EIF4G3: variants seen among roughly 807,000 people sequenced by gnomAD.
EIF4G3 encodes eukaryotic translation initiation factor 4 gamma 3, also known as eIF-4-gamma 3.
In EIF4G3, 34 loss-of-function variants were observed where a neutral mutation model predicts 186.4. The observed-to-expected ratio is 0.18, with a 90% CI of 0.14 to 0.24. The LOEUF (loss-of-function observed/expected upper bound fraction) is 0.24, where lower values mean the gene tolerates loss of function less well. Among genes scored for constraint, EIF4G3 ranks in the 10% least tolerant of loss-of-function variants. The probability of loss-of-function intolerance (pLI) is 1.00; values close to 1 mark genes in which losing one functional copy is unlikely to be tolerated. For synonymous variants in EIF4G3, 673 were observed against 679.5 expected (o/e 0.99, Z 0.15); for missense variants, 1,536 against 1,948.5 (o/e 0.79, Z 3.99).
chr1:21,133,064 G>A (rs746304699), intron 2 of EIF4G3, among the ~76,000 whole-genome samples: 1 of 151,816 alleles, frequency 6.6e-6, no homozygotes, highest in Non-Finnish European at 1.5e-5. Flanking sequence ...GATTATAGGT[G>A]TGAGCAATCA....
At position 21,111,307 on chromosome 1, in the gene EIF4G3, T is replaced by C. The variant is rs190717840; in HGVS notation, c.-271-22094A>G. ...ACAAAAATTTGAATCCTAGATTCGTTTGCCAGCTAGATTACCTTGGGAAAA... is the reference window on the plus strand; with the variant it reads ...ACAAAAATTTGAATCCTAGATTCGTCTGCCAGCTAGATTACCTTGGGAAAA... On this transcript the variant is annotated intron_variant, in intron 2 of 36. Coordinates refer to ENST00000602326, the MANE Select transcript of EIF4G3 (RefSeq NM_001391906.1). The C allele has an allele frequency of 2.3e-5, 11 of 471,336 alleles. No homozygotes were observed. The East Asian group carries it at 6.9e-4, about 30-fold the overall frequency. 29.2% of individuals were successfully genotyped at this position (471,336 alleles called of 1,614,324 possible). A position where few individuals can be genotyped will look rare whatever the true frequency, so the allele number is the denominator to read the frequency against.
At chr1:21,147,186 C>T (rs1441852852) in intron 2 of EIF4G3, among the ~76,000 whole-genome samples, 1 of 151,622 alleles carries the variant, frequency 6.6e-6, no homozygotes, top group African/African-American at 2.4e-5. Flanking sequence ...CTCTTGAACC[C>T]GGGAGGCGGA....
intron 12 of EIF4G3, among the ~76,000 whole-genome samples, chr1:20,959,271 A>G (rs2096515017): frequency 6.6e-6 from 1 of 152,186 alleles, no homozygotes; most frequent in South Asian, 2.1e-4. Context: ...AAAGCATATA[A>G]AAACATAAAT....
intron 18 of EIF4G3, among the ~76,000 whole-genome samples, chr1:20,889,903 T>G (rs1217230765): frequency 6.6e-6 from 1 of 152,230 alleles, no homozygotes; most frequent in African/African-American, 2.4e-5. Flanking sequence ...CGTAGCTGCA[T>G]ATGACATTTT....
At chr1:20,893,093 C>CTT (rs1184859243) in intron 18 of EIF4G3, 255 of 145,516 alleles carry the variant, frequency 1.8e-3, no homozygotes, top group South Asian at 4.7e-3. Flanking sequence ...TTTTTCTTTT[C>CTT]TTTTTTTTTT....
chr1:21,128,986 G>C (rs1393700075), intron 2 of EIF4G3, among the ~76,000 whole-genome samples: 6 of 152,076 alleles, frequency 3.9e-5, no homozygotes, highest in Admixed American at 2.6e-4. Flanking sequence ...AATTCCAAAG[G>C]ACAGACCATG....
At chr1:20,832,844 C>A (rs1268290639) in intron 30 of EIF4G3, among the ~76,000 whole-genome samples, 2 of 48,664 alleles carry the variant, frequency 4.1e-5, no homozygotes, top group Non-Finnish European at 8.0e-5. Context: ...GCCAGTTTTC[C>A]CAGCACCATT....
intron 2 of EIF4G3, among the ~76,000 whole-genome samples, chr1:21,151,111 T>C (rs916941113): frequency 1.3e-5 from 2 of 152,180 alleles, no homozygotes; most frequent in Non-Finnish European, 2.9e-5. Flanking sequence ...TTTTTCCTAA[T>C]GTATTTTTTA....
Position 20,942,103 on chromosome 1 carries a change from T to C in EIF4G3, c.1051A>G (p.Thr351Ala). The change falls in exon 14 of 37, where the codon ACT (threonine) becomes GCT (alanine). Residue 351 changes from threonine to alanine, a missense_variant. By Grantham distance (58) the Thr-to-Ala change is moderately conservative. Coordinates refer to ENST00000602326, the MANE Select transcript of EIF4G3 (RefSeq NM_001391906.1). ...AGTTCACATCTGTCATCTATAGCAG[T>C]GGTGAATATTGGTTGGCTACTAAGA... ...SALSSQPIFT[T>A]AIDDRCELSS... is the part of the protein sequence containing the mutation. 1 of 1,614,106 alleles carries C rather than the reference T, an allele frequency of 6.2e-7. No homozygotes were observed. Among genetic ancestry groups the C allele is most frequent in the Non-Finnish European group, 8.5e-7 (1 of 1,180,006 alleles).
chr1:20,834,903 T>C (rs184058476), intron 30 of EIF4G3, among the ~76,000 whole-genome samples: 1 of 152,302 alleles, frequency 6.6e-6, no homozygotes, highest in East Asian at 1.9e-4. Flanking sequence ...GAACATTCCA[T>C]TAAACAGCAG....
chr1:20,871,334 G>T (rs1386576048), intron 20 of EIF4G3, among the ~76,000 whole-genome samples: 1 of 152,088 alleles, frequency 6.6e-6, no homozygotes, highest in Non-Finnish European at 1.5e-5. Context: ...ATTATTTCTT[G>T]TGGAGGGCTC....
chr1:21,086,064 G>C (rs1288998020), intron 3 of EIF4G3, among the ~76,000 whole-genome samples: 2 of 152,060 alleles, frequency 1.3e-5, no homozygotes, highest in Non-Finnish European at 2.9e-5. Context: ...TGATTAGGGT[G>C]ACCAGATAAT....
In EIF4G3 at chr1:20,807,267, T is replaced by C; in HGVS notation, c.*52A>G. On this transcript the variant is annotated 3_prime_UTR_variant, in exon 37 of 37. Coordinates refer to ENST00000602326, the MANE Select transcript of EIF4G3 (RefSeq NM_001391906.1). The stretch of plus-strand genomic sequence containing the variant: ...GTGATTGGCGAAGACGTGAAACTTT[T>C]TAAAAAAATACTTAAATTGTTTCTT... 1.3e-6 allele frequency: 2 copies of C among 1,532,806 alleles called. No homozygotes were observed. The highest frequency in any genetic ancestry group is 1.8e-6 in the Non-Finnish European group (2 of 1,130,080). 95.0% of individuals were successfully genotyped at this position (1,532,806 alleles called of 1,614,324 possible).
chr1:21,017,766 GA>G (rs2089612367), intron 4 of EIF4G3, among the ~76,000 whole-genome samples: 2 of 151,930 alleles, frequency 1.3e-5, no homozygotes, highest in South Asian at 4.1e-4. Flanking sequence ...TTCAGACTAG[GA>G]ATGCTGAACC....
At chr1:20,836,249 T>C (rs573733999) in intron 30 of EIF4G3, among the ~76,000 whole-genome samples, 146 of 151,788 alleles carry the variant, frequency 9.6e-4, no homozygotes, top group Middle Eastern at 3.4e-3. Flanking sequence ...TCCCAAAGTG[T>C]TTTTTATTTT....
intron 2 of EIF4G3, among the ~76,000 whole-genome samples, chr1:21,157,759 G>A (rs1432156485): frequency 6.6e-6 from 1 of 152,108 alleles, no homozygotes; most frequent in Non-Finnish European, 1.5e-5. Flanking sequence ...AGGTACTGTG[G>A]TTAGCTTAAT....
intron 2 of EIF4G3, among the ~76,000 whole-genome samples, chr1:21,172,348 A>G (rs1373012761): frequency 6.6e-6 from 1 of 152,140 alleles, no homozygotes; most frequent in Non-Finnish European, 1.5e-5. Context: ...TTATCACTGT[A>G]CTTGCCTCAT....
intron 14 of EIF4G3, among the ~76,000 whole-genome samples, chr1:20,911,520 C>T (rs941137942): frequency 1.5e-5 from 2 of 135,314 alleles, no homozygotes; most frequent in Non-Finnish European, 3.1e-5. Flanking sequence ...ATGACCGTGC[C>T]ACTGTACTCT....
chr1:20,995,584 C>T (rs1170914880), intron 7 of EIF4G3, among the ~76,000 whole-genome samples: 2 of 152,030 alleles, frequency 1.3e-5, no homozygotes, highest in African/African-American at 4.8e-5. Flanking sequence ...GTTGGCCAGG[C>T]TGGTCTTGAA....
Sources: gnomAD v4.1 joint callset for allele counts (sites outside exome capture counted in the v4.1 genomes callset) on GRCh38, gnomAD v4.1.1 for gene constraint, MANE v1.5 for transcripts, NCBI Gene and HGNC (gene_info 2026-07-23, HGNC 2026-07-21) for gene names.